BCAP29: variants seen among roughly 807,000 people sequenced by gnomAD.
BCAP29 encodes B-cell receptor-associated protein 29.
Under a neutral mutation model 31.8 loss-of-function variants are expected in BCAP29, and 34 were observed. The observed-to-expected ratio is 1.07, with a 90% confidence interval of 0.81 to 1.42. The LOEUF is 1.42. Ranked by LOEUF, BCAP29 falls within the 40% of genes most tolerant of loss-of-function variation. The probability of loss-of-function intolerance (pLI) is 0.00; values close to 1 mark genes in which losing one functional copy is unlikely to be tolerated. For missense variants in BCAP29, 314 were observed against 269.2 expected (o/e 1.17, Z -1.16); for synonymous variants, 104 against 91.3 (o/e 1.14, Z -0.79).
At chr7:107,587,756 T>A (rs1440457633) in intron 3 of BCAP29, 1 of 151,764 alleles carries the variant, frequency 6.6e-6, no homozygotes, top group Non-Finnish European at 1.5e-5. Flanking sequence ...CCAGTAGATA[T>A]AGAAAATTTA....
chr7:107,604,689 T>G (rs866761554), intron 6 of BCAP29, among the ~76,000 whole-genome samples: 4,462 of 139,070 alleles, frequency 0.032, 227 homozygotes, highest in African/African-American at 0.11. Context: ...GTTGTTGTTT[T>G]TTTTTTTTTG....
rs1394684721 is a variant in BCAP29 at position 107,595,864 on chromosome 7, T to TA, written c.345-2dup. The TA allele has an allele frequency of 1.3e-6, 2 of 1,593,484 alleles. No homozygotes were observed. The highest frequency in any genetic ancestry group is 2.3e-5 in the East Asian group (1 of 44,266). On this transcript the variant is annotated splice_polypyrimidine_tract_variant and splice_region_variant and intron_variant, in intron 4 of 7. Transcript: ENST00000005259. ...AATACATTATTCTGGTTTTTTTTCTTAGAGTTTTGAGACGTCTGGTTACGC... is the reference window on the plus strand; with the variant it reads ...AATACATTATTCTGGTTTTTTTTCTTAAGAGTTTTGAGACGTCTGGTTACGC...
rs1435351168 is a variant in BCAP29, at chr7:107,619,272, TC to T, written c.*910del. The T allele has an allele frequency of 6.6e-6, 1 of 152,534 alleles. No individual in the cohort carries two copies. The highest frequency in any genetic ancestry group is 6.5e-5 in the Admixed American group (1 of 15,274). The allele number at this position is 152,534 out of a possible 1,614,324, so 9.4% of individuals were successfully genotyped here. ...TATCACACAGTCTTTCTACAATGTT[TC>T]TGTATTCTGAAAGCTAAATATTAAG... On this transcript the variant is annotated 3_prime_UTR_variant, in exon 8 of 8. Coordinates refer to ENST00000005259, the MANE Select transcript of BCAP29 (RefSeq NM_018844.4).
chr7:107,605,466 A>C (rs149121644), intron 6 of BCAP29, among the ~76,000 whole-genome samples: 1 of 152,236 alleles, frequency 6.6e-6, no homozygotes, highest in Non-Finnish European at 1.5e-5. Context: ...TGCTAAATGC[A>C]TACTGAATCA....
At chr7:107,582,376 G>A (rs188201349) in intron 2 of BCAP29, among the ~76,000 whole-genome samples, 13 of 152,242 alleles carry the variant, frequency 8.5e-5, no homozygotes, top group East Asian at 5.8e-4. Context: ...ATGTATGCAC[G>A]CAGATCATTT....
intron 1 of BCAP29, 177 bp from the exon 2 acceptor site, chr7:107,580,582 C>T: frequency 1.9e-6 from 1 of 520,342 alleles, no homozygotes; most frequent in Non-Finnish European, 3.3e-6. Context: ...AGGGAGGTGG[C>T]GACACCCGCT....
chr7:107,595,438 C>T (rs916924214), intron 4 of BCAP29, among the ~76,000 whole-genome samples: 1 of 152,200 alleles, frequency 6.6e-6, no homozygotes, highest in Non-Finnish European at 1.5e-5. Context: ...ACTATTTCTT[C>T]TAACAATGGC....
Position 107,599,550 on chromosome 7 carries a change from G to C in BCAP29, c.481-847G>C, listed in dbSNP as rs1038201960. On this transcript the variant is annotated intron_variant, in intron 5 of 7. Coordinates refer to ENST00000005259, the MANE Select transcript of BCAP29 (RefSeq NM_018844.4). Reference sequence around the variant, plus strand: ...AAAAAAAAAAGAAAAAAAAGTAGCTGCCTGCCTCTTTATTTAATCTATTGA... The same window carrying C: ...AAAAAAAAAAGAAAAAAAAGTAGCTCCCTGCCTCTTTATTTAATCTATTGA... Among the ~76,000 whole-genome samples the C allele has an allele frequency of 2.0e-5, 3 of 148,004 alleles. No individual in the cohort carries two copies. In the East Asian group the frequency reaches 5.9e-4, roughly 29 times the overall value.
At chr7:107,612,359 G>A (rs1331283685) in intron 6 of BCAP29, among the ~76,000 whole-genome samples, 11 of 132,198 alleles carry the variant, frequency 8.3e-5, no homozygotes, top group East Asian at 2.3e-4. Context: ...TACATATTTT[G>A]CTCATTAGCA....
intron 3 of BCAP29, among the ~76,000 whole-genome samples, chr7:107,589,305 A>G (rs1808287945): frequency 6.6e-6 from 1 of 152,198 alleles, no homozygotes; most frequent in South Asian, 2.1e-4. Flanking sequence ...TGTAATATAT[A>G]ATGAAATAAT....
chr7:107,609,251 GGA>G (rs916720593), intron 6 of BCAP29, among the ~76,000 whole-genome samples: 50 of 152,282 alleles, frequency 3.3e-4, no homozygotes, highest in African/African-American at 1.2e-3. Flanking sequence ...TGGAACCAGT[GGA>G]GAGAGTTGAG....
intron 6 of BCAP29, among the ~76,000 whole-genome samples, chr7:107,609,298 A>G (rs1280815290): frequency 6.6e-6 from 1 of 152,192 alleles, no homozygotes; most frequent in Non-Finnish European, 1.5e-5. Flanking sequence ...AGGGCCTCAT[A>G]TGCCCTGTTT....
At position 107,618,534 on chromosome 7, in the gene BCAP29, A is replaced by T; in HGVS notation, c.*171A>T. ...ATCAAAATATTTGATGATGTTTCAG[A>T]TATATTGCAAAGTCTGTATTCCAGC... On this transcript the variant is annotated 3_prime_UTR_variant, in exon 8 of 8. Transcript: ENST00000005259. The T allele has an allele frequency of 6.2e-7, 1 of 1,605,770 alleles. No individual in the cohort carries two copies. The highest frequency in any genetic ancestry group is 8.5e-7 in the Non-Finnish European group (1 of 1,172,928).
At position 107,580,518 on chromosome 7, in the gene BCAP29, G is replaced by A. The variant is rs112667545; in HGVS notation, c.-15+217G>A. 2,924 of 427,478 alleles carry A rather than the reference G, an allele frequency of 6.8e-3. 76 individuals are homozygous for A. The highest frequency in any genetic ancestry group is 0.052 in the African/African-American group (2,487 of 47,676). 26.5% of individuals were successfully genotyped at this position (427,478 alleles called of 1,614,324 possible). On this transcript the variant is annotated intron_variant, in intron 1 of 7. Coordinates refer to ENST00000005259, the MANE Select transcript of BCAP29 (RefSeq NM_018844.4). The stretch of plus-strand genomic sequence containing the variant: ...GGCGTTGGGCTTCTGTCGCCGCGAA[G>A]CTGGCGGAAAAGGCAGTGGCCAGCG...
intron 2 of BCAP29, among the ~76,000 whole-genome samples, chr7:107,581,931 C>A (rs548359660): frequency 1.3e-5 from 2 of 152,152 alleles, no homozygotes; most frequent in East Asian, 3.9e-4. Context: ...GTACTGAGAC[C>A]CAGGAGGGCA....
At chr7:107,582,445 A>C (rs747092583) in intron 2 of BCAP29, among the ~76,000 whole-genome samples, 18 of 152,158 alleles carry the variant, frequency 1.2e-4, no homozygotes, top group Non-Finnish European at 2.2e-4. Context: ...TATCACCATA[A>C]TCTTTAAAGA....
intron 6 of BCAP29, among the ~76,000 whole-genome samples, chr7:107,602,788 C>G (rs532577204): frequency 1.1e-4 from 16 of 152,056 alleles, no homozygotes; most frequent in African/African-American, 3.9e-4. Flanking sequence ...TTTTTAACCT[C>G]CAACTCCTAT....
intron 3 of BCAP29, among the ~76,000 whole-genome samples, chr7:107,590,887 A>G (rs1417226216): frequency 2.6e-5 from 4 of 152,126 alleles, no homozygotes; most frequent in Admixed American, 6.5e-5. Context: ...GAAAGTTATT[A>G]TGTCAAAGAA....
intron 6 of BCAP29, among the ~76,000 whole-genome samples, chr7:107,605,911 T>C (rs966566236): frequency 6.6e-6 from 1 of 152,236 alleles, no homozygotes; most frequent in Admixed American, 6.5e-5. Flanking sequence ...CACTAAACTA[T>C]TAATAGTGGT....
Sources: gnomAD v4.1 joint callset for allele counts (sites outside exome capture counted in the v4.1 genomes callset) on GRCh38, gnomAD v4.1.1 for gene constraint, MANE v1.5 for transcripts, NCBI Gene and HGNC (gene_info 2026-07-23, HGNC 2026-07-21) for gene names.